The following SLC37A3 variants were observed in gnomAD, a reference collection of about 807,000 sequenced individuals.
SLC37A3 encodes sugar phosphate exchanger 3.
Under a neutral mutation model 67.1 loss-of-function variants are expected in SLC37A3, and 51 were observed. The observed-to-expected ratio is 0.76, with a 90% CI of 0.61 to 0.96. The LOEUF (loss-of-function observed/expected upper bound fraction) is 0.96. Ranked by LOEUF, SLC37A3 falls within the 40% of genes least tolerant of loss-of-function variation. SLC37A3 has a pLI of 0.00. For synonymous variants in SLC37A3, 214 were observed against 231.4 expected (o/e 0.92, Z 0.68); for missense variants, 508 against 603.0 (o/e 0.84, Z 1.65).
At chr7:140,351,510 C>A in intron 8 of SLC37A3, 59 bp from the exon 9 acceptor site, 1 of 1,497,378 alleles carries the variant, frequency 6.7e-7, no homozygotes, top group South Asian at 1.2e-5. Context: ...AAGGGCTCTG[C>A]ATACATCCCT....
intron 10 of SLC37A3, 194 bp downstream of exon 10, chr7:140,348,432 G>T: frequency 5.2e-6 from 3 of 573,716 alleles, no homozygotes; most frequent in Non-Finnish European, 8.3e-6. Flanking sequence ...CCTTTCTATG[G>T]ACCTCTTGTT....
chr7:140,354,436 C>CTT (rs113768596), intron 7 of SLC37A3, among the ~76,000 whole-genome samples: 1 of 145,740 alleles, frequency 6.9e-6, no homozygotes, highest in East Asian at 2.0e-4. Flanking sequence ...GTTTTTCTTC[C>CTT]TTTTTTTTTT....
intron 5 of SLC37A3, among the ~76,000 whole-genome samples, chr7:140,363,473 GTTAA>G: frequency 9.6e-6 from 1 of 104,294 alleles, no homozygotes; most frequent in East Asian, 2.7e-4. Flanking sequence ...GATGTGCTTT[GTTAA>G]ACAGATGCTT....
At chr7:140,386,427 G>A (rs1488906909) in intron 1 of SLC37A3, among the ~76,000 whole-genome samples, 4 of 147,298 alleles carry the variant, frequency 2.7e-5, no homozygotes, top group East Asian at 2.0e-4. Context: ...CGAATACTAC[G>A]ACATTTGGTC....
At chr7:140,380,231 G>T in intron 3 of SLC37A3, 51 bp downstream of exon 3, 1 of 1,104,384 alleles carries the variant, frequency 9.1e-7, no homozygotes, top group Non-Finnish European at 1.4e-6. Flanking sequence ...ACAATCTAGG[G>T]GTGGGCACGG....
intron 7 of SLC37A3, among the ~76,000 whole-genome samples, chr7:140,354,659 A>G (rs1225285201): frequency 6.6e-6 from 1 of 151,068 alleles, no homozygotes. Flanking sequence ...CAAATTCTGT[A>G]TCTTTCTGTT....
At chr7:140,341,981 G>T (rs1796378032) in intron 13 of SLC37A3, among the ~76,000 whole-genome samples, 1 of 152,078 alleles carries the variant, frequency 6.6e-6, no homozygotes, top group African/African-American at 2.4e-5. Flanking sequence ...TTTCTTTGGG[G>T]TTTTTTGCCC....
chr7:140,369,725 G>T, intron 3 of SLC37A3, 43 bp from the exon 4 acceptor site: 4 of 1,533,120 alleles, frequency 2.6e-6, no homozygotes, highest in Non-Finnish European at 2.7e-6. Context: ...TGTAGAATCT[G>T]CCAGGGCTTT....
chr7:140,395,379 TAAAA>T (rs35674101), intron 1 of SLC37A3, among the ~76,000 whole-genome samples: 1 of 77,790 alleles, frequency 1.3e-5, no homozygotes, highest in Non-Finnish European at 2.3e-5. Flanking sequence ...CATCTCAAAT[TAAAA>T]AAAAAAAAAA....
chr7:140,390,431 C>A (rs904414699), intron 1 of SLC37A3, among the ~76,000 whole-genome samples: 4 of 152,106 alleles, frequency 2.6e-5, no homozygotes, highest in African/African-American at 9.7e-5. Flanking sequence ...TCAAGAGGTG[C>A]AATCTTCCCT....
intron 1 of SLC37A3, among the ~76,000 whole-genome samples, chr7:140,383,198 T>TAA (rs199833888): frequency 4.8e-4 from 68 of 141,918 alleles, no homozygotes; most frequent in East Asian, 4.2e-3. Context: ...TGCTTTCACT[T>TAA]AAAAAAAAAA....
At chr7:140,380,219 G>T in intron 3 of SLC37A3, 63 bp downstream of exon 3, 1 of 975,252 alleles carries the variant, frequency 1.0e-6, no homozygotes, top group South Asian at 1.5e-5. Flanking sequence ...AAGAGCTTAA[G>T]AACAATCTAG....
rs1307311072 is a variant in SLC37A3, at chr7:140,380,387, A to AT, written c.92dup (p.Tyr31Ter). The AT allele has an allele frequency of 6.2e-6, 10 of 1,607,436 alleles. No individual in the cohort carries two copies. Among genetic ancestry groups the AT allele is most frequent in the Non-Finnish European group, 7.7e-6 (9 of 1,174,592 alleles). Residue 31 changes from tyrosine to a stop codon, truncating the protein, a stop_gained and frameshift_variant, in exon 3 of 15, where the codon TAT (tyrosine) becomes TAAT (stop). Transcript: ENST00000326232. LOFTEE classifies it high-confidence loss of function. Reference sequence around the variant, plus strand: ...TTTTTCGTGAAGCATGGAGCAACGAATAACTACAAAATAGAGAGAATACAG... The same window carrying AT: ...TTTTTCGTGAAGCATGGAGCAACGAATTAACTACAAAATAGAGAGAATACAG... The part of the protein sequence containing the change: ...VVVFLLTFFS[Y>*]SLLHASRKTF...
intron 5 of SLC37A3, among the ~76,000 whole-genome samples, chr7:140,362,613 T>C (rs867186993): frequency 1.9e-3 from 66 of 35,142 alleles, no homozygotes; most frequent in Admixed American, 3.5e-3. Context: ...TCTGCCCGGC[T>C]GCCCCTACTG....
At chr7:140,371,491 A>T (rs892276757) in intron 3 of SLC37A3, among the ~76,000 whole-genome samples, 1 of 152,102 alleles carries the variant, frequency 6.6e-6, no homozygotes, top group African/African-American at 2.4e-5. Flanking sequence ...GTTCTTTCTA[A>T]CTGCAAAATG....
At chr7:140,371,766 A>G (rs778398168) in intron 3 of SLC37A3, among the ~76,000 whole-genome samples, 3 of 152,240 alleles carry the variant, frequency 2.0e-5, no homozygotes, top group Non-Finnish European at 4.4e-5. Context: ...TTTATGCTGA[A>G]AAAAAGAGAC....
chr7:140,340,601 A>G (rs1203130498), intron 13 of SLC37A3, among the ~76,000 whole-genome samples: 3 of 152,042 alleles, frequency 2.0e-5, no homozygotes, highest in Non-Finnish European at 4.4e-5. Flanking sequence ...GGGGGGCTCC[A>G]AACTGACTGC....
intron 1 of SLC37A3, among the ~76,000 whole-genome samples, chr7:140,383,427 C>T (rs1283335842): frequency 1.3e-5 from 2 of 152,034 alleles, no homozygotes; most frequent in Non-Finnish European, 1.5e-5. Context: ...GCTATGATCA[C>T]GCCACTGCAG....
intron 1 of SLC37A3, among the ~76,000 whole-genome samples, chr7:140,397,444 T>G (rs1798983629): frequency 6.6e-6 from 1 of 152,126 alleles, no homozygotes; most frequent in South Asian, 2.1e-4. Context: ...TCCACAGGCC[T>G]CGGCCTCCCA....
Sources: allele counts gnomAD v4.1 joint callset (sites outside exome capture counted in the v4.1 genomes callset), GRCh38; gene constraint gnomAD v4.1.1; transcripts MANE v1.5; gene names NCBI Gene and HGNC (gene_info 2026-07-23, HGNC 2026-07-21).